NBPF15: variants seen among roughly 807,000 people sequenced by gnomAD.
NBPF15 encodes NBPF member 15.
In NBPF15, 74 loss-of-function variants were observed where a neutral mutation model predicts 62.2. The observed-to-expected ratio is 1.19, with a 90% CI of 0.99 to 1.44. The LOEUF (loss-of-function observed/expected upper bound fraction) is 1.44. Among genes scored for constraint, NBPF15 ranks in the 40% most tolerant of loss-of-function variants. NBPF15 has a pLI of 0.00. For missense variants in NBPF15, 790 were observed against 550.0 expected, an observed-to-expected ratio of 1.44 and a Z score of -4.36; for synonymous variants, 244 against 209.7, an observed-to-expected ratio of 1.16 and a Z score of -1.41.
chr1:144,429,170 G>T (rs587733715), intron 14 of NBPF15, among the ~76,000 whole-genome samples: 12 of 151,568 alleles, frequency 7.9e-5, no homozygotes, highest in African/African-American at 2.7e-4. Flanking sequence ...AACGTACCAG[G>T]AACATGATGG....
At position 144,440,129 on chromosome 1, in the gene NBPF15, T is replaced by G. The variant is rs2102223160; in HGVS notation, c.-36+12A>C. The stretch of plus-strand genomic sequence containing the variant: ...GACTGAGGGATGTAAGTAACTGAAA[T>G]TCTTAACTTACTGTTGTCAAAAATG... On this transcript the variant is annotated intron_variant, in intron 7 of 21. Transcript: ENST00000581897. 4 of 1,582,624 alleles carry G rather than the reference T, an allele frequency of 2.5e-6. No individual in the cohort carries two copies. Among genetic ancestry groups the G allele is most frequent in the Non-Finnish European group, 3.5e-6 (4 of 1,155,500 alleles).
intron 6 of NBPF15, among the ~76,000 whole-genome samples, chr1:144,440,967 C>T (rs1340461429): frequency 5.9e-5 from 9 of 151,918 alleles, no homozygotes; most frequent in South Asian, 2.1e-4. Context: ...CGCACCCGGC[C>T]GACTTCTCTT....
intron 6 of NBPF15, among the ~76,000 whole-genome samples, chr1:144,443,869 TCCCTATG>T (rs1345217445): frequency 6.6e-6 from 1 of 150,680 alleles, no homozygotes; most frequent in Non-Finnish European, 1.5e-5. Flanking sequence ...TAGAGGAAAT[TCCCTATG>T]CCCCAAAGTT....
chr1:144,431,817 T>A (rs1478730061), intron 13 of NBPF15, among the ~76,000 whole-genome samples: 4 of 141,250 alleles, frequency 2.8e-5, no homozygotes, highest in South Asian at 5.0e-4. Context: ...ACAAAGGACA[T>A]GAACTCATCA....
intron 6 of NBPF15, among the ~76,000 whole-genome samples, chr1:144,442,170 A>ATATATAATATATATACACGTG (rs1683638702): frequency 8.6e-6 from 1 of 116,860 alleles, no homozygotes; most frequent in African/African-American, 3.4e-5. Flanking sequence ...GTGTATATAT[A>ATATATAATATATATACACGTG]TATATATATA....
chr1:144,440,437 C>T, intron 6 of NBPF15, 142 bp from the exon 7 acceptor site: 1 of 564,816 alleles, frequency 1.8e-6, no homozygotes, highest in Non-Finnish European at 3.1e-6. Flanking sequence ...ATTCCTTCAG[C>T]ATTCACTCTC....
chr1:144,433,023 C>T (rs1224110055), intron 13 of NBPF15, among the ~76,000 whole-genome samples: 1 of 151,956 alleles, frequency 6.6e-6, no homozygotes, highest in African/African-American at 2.4e-5. Context: ...CACCACATCA[C>T]ACTTATTCCA....
chr1:144,428,887 T>C (rs1672052302), intron 14 of NBPF15, among the ~76,000 whole-genome samples: 1 of 152,064 alleles, frequency 6.6e-6, no homozygotes, highest in Non-Finnish European at 1.5e-5. Context: ...ATCTTCCCTA[T>C]GTGCTCTGTC....
At chr1:144,432,570 C>T (rs1553540381) in intron 13 of NBPF15, among the ~76,000 whole-genome samples, 2 of 151,782 alleles carry the variant, frequency 1.3e-5, no homozygotes, top group African/African-American at 4.8e-5. Context: ...ACCCATCTCA[C>T]ATGCAGAGAC....
chr1:144,442,273 ATATACAC>A, intron 6 of NBPF15, among the ~76,000 whole-genome samples: 1 of 123,548 alleles, frequency 8.1e-6, no homozygotes, highest in Middle Eastern at 3.7e-3. Context: ...TTATTAATAT[ATATACAC>A]GTGTATATAT....
chr1:144,428,420 A>G (rs1367651374), intron 15 of NBPF15, among the ~76,000 whole-genome samples, 186 bp downstream of exon 15: 6 of 152,116 alleles, frequency 3.9e-5, no homozygotes, highest in African/African-American at 1.2e-4. Context: ...TTAGTAAATG[A>G]TAAGTGTAGG....
chr1:144,423,253 G>A lies in NBPF15; in HGVS notation c.1773C>T (p.Leu591=), dbSNP rs587728637. The change falls in exon 22 of 22, where the codon CTC becomes CTT. Residue 591 remains leucine (L), a synonymous_variant. Transcript: ENST00000581897. The part of the protein sequence containing the change: ...GEDDNPPCPR[L]YGVLMEVEEP... The stretch of plus-strand genomic sequence containing the variant: ...CTTCCACTTCCATCAGCACGCCGTA[G>A]AGCCTGGAAAAGGAGACAAAACTAA... 4 of 1,611,430 alleles carry A rather than the reference G, an allele frequency of 2.5e-6. No homozygotes were observed. The highest frequency in any genetic ancestry group is 1.7e-6 in the Non-Finnish European group (2 of 1,179,580).
chr1:144,453,387 A>G (rs1553545961), intron 4 of NBPF15, among the ~76,000 whole-genome samples: 1 of 151,958 alleles, frequency 6.6e-6, no homozygotes, highest in African/African-American at 2.4e-5. Context: ...AGGAGATAAC[A>G]TAGGAGAAAA....
intron 6 of NBPF15, among the ~76,000 whole-genome samples, chr1:144,445,233 T>C (rs1408393531): frequency 7.0e-6 from 1 of 142,732 alleles, no homozygotes; most frequent in Non-Finnish European, 1.5e-5. Flanking sequence ...GACTGCAATA[T>C]GTATGTGTGT....
At chr1:144,436,371 A>C (rs1678351700) in intron 10 of NBPF15, among the ~76,000 whole-genome samples, 1 of 151,846 alleles carries the variant, frequency 6.6e-6, no homozygotes, top group Non-Finnish European at 1.5e-5. Context: ...GCCCCCACAT[A>C]AAGTGCCTTC....
intron 8 of NBPF15, among the ~76,000 whole-genome samples, chr1:144,438,816 G>T (rs1330221572): frequency 6.6e-6 from 1 of 151,862 alleles, no homozygotes; most frequent in Non-Finnish European, 1.5e-5. Flanking sequence ...CTTGGATGGA[G>T]CCCAGTAGAC....
intron 4 of NBPF15, among the ~76,000 whole-genome samples, chr1:144,452,067 A>C (rs1691520423): frequency 6.6e-6 from 1 of 151,494 alleles, no homozygotes; most frequent in Non-Finnish European, 1.5e-5. Context: ...CAGGAGAATC[A>C]CTTGAACTCA....
chr1:144,442,177 T>TA (rs1683689766), intron 6 of NBPF15, among the ~76,000 whole-genome samples: 8 of 108,088 alleles, frequency 7.4e-5, no homozygotes, highest in Admixed American at 3.9e-4. Flanking sequence ...TATATATATA[T>TA]ATAATATATA....
chr1:144,436,191 TCA>T lies in NBPF15; in HGVS notation c.494-340_494-339del, dbSNP rs781794457. On this transcript the variant is annotated intron_variant, in intron 10 of 21. Coordinates refer to ENST00000581897, the MANE Select transcript of NBPF15 (RefSeq NM_001385408.1). The stretch of plus-strand genomic sequence containing the variant: ...TCCCAGGCACAGGCTTGGTGTCCCG[TCA>T]CAGTTTGCATTTCAAACCTAATTCT... Among the ~76,000 whole-genome samples the T allele has an allele frequency of 2.6e-5, 4 of 152,028 alleles. No individual in the cohort carries two copies. The South Asian group carries it at 6.2e-4, about 24-fold the overall frequency.
Sources: allele counts gnomAD v4.1 joint callset (sites outside exome capture counted in the v4.1 genomes callset), GRCh38; gene constraint gnomAD v4.1.1; transcripts MANE v1.5; gene names NCBI Gene and HGNC (gene_info 2026-07-23, HGNC 2026-07-21).